The following RPAP3 variants were observed in gnomAD, a reference collection of about 807,000 sequenced individuals.
RPAP3 encodes RNA polymerase II associated protein 3.
RPAP3 carries 58 observed loss-of-function variants against 88.8 expected under a neutral mutation model. The observed-to-expected ratio is 0.65, with a 90% CI of 0.53 to 0.81. The LOEUF (loss-of-function observed/expected upper bound fraction) is 0.81. RPAP3 is among the 40% of genes least tolerant of loss of function. The probability of loss-of-function intolerance (pLI) is 0.00; values close to 1 mark genes in which losing one functional copy is unlikely to be tolerated. For synonymous variants in RPAP3, 255 were observed against 259.9 expected (o/e 0.98, Z 0.18); for missense variants, 751 against 764.3 (o/e 0.98, Z 0.20).
intron 12 of RPAP3, among the ~76,000 whole-genome samples, chr12:47,673,584 G>A (rs1469707459): frequency 6.6e-6 from 1 of 150,718 alleles, no homozygotes; most frequent in African/African-American, 2.4e-5. Context: ...TTTATAAAAA[G>A]AGGATAAAAA....
intron 14 of RPAP3, among the ~76,000 whole-genome samples, chr12:47,668,391 C>T (rs1938927652): frequency 6.6e-6 from 1 of 151,988 alleles, no homozygotes; most frequent in African/African-American, 2.4e-5. Flanking sequence ...TAAAGGCTCT[C>T]AAAGAGCAAT....
chr12:47,665,236 A>G (rs2136602658), intron 16 of RPAP3, among the ~76,000 whole-genome samples: 1 of 151,718 alleles, frequency 6.6e-6, no homozygotes, highest in African/African-American at 2.4e-5. Flanking sequence ...AGCTGGGATT[A>G]CAGGTGTCTG....
At chr12:47,671,218 G>A (rs892784126) in intron 12 of RPAP3, among the ~76,000 whole-genome samples, 2 of 152,034 alleles carry the variant, frequency 1.3e-5, no homozygotes, top group African/African-American at 4.8e-5. Flanking sequence ...GAAATACACT[G>A]AGGAGCTATT....
intron 7 of RPAP3, among the ~76,000 whole-genome samples, chr12:47,688,612 A>AT (rs1461049422): frequency 6.6e-6 from 1 of 152,254 alleles, no homozygotes; most frequent in Non-Finnish European, 1.5e-5. Context: ...GTTTTCAGAC[A>AT]TAACAGTTCA....
rs771734678 is a variant in RPAP3, at chr12:47,696,365, T to A, written c.456A>T (p.Ala152=). Residue 152 remains alanine, a synonymous_variant, in exon 5 of 17, where the codon GCA becomes GCT. Transcript: ENST00000005386. ...CCATGCCTTTTGTGTAGCAGTCAAT[T>A]GCTTCATCATATTTTCCTTGTTTGA... ...KYFKQGKYDE[A]IDCYTKGMDA... 1 of 1,596,866 alleles carries A rather than the reference T, an allele frequency of 6.3e-7. No homozygotes were observed. The highest frequency in any genetic ancestry group is 1.1e-5 in the South Asian group (1 of 87,916).
chr12:47,668,996 T>C lies in RPAP3; in HGVS notation c.1633A>G (p.Ile545Val). ...TCGAGCTGGAACGAGTTTGCAGGAATTGGAGGAAGAACAGTTGTGGCAAAC... is the reference window on the plus strand; with the variant it reads ...TCGAGCTGGAACGAGTTTGCAGGAACTGGAGGAAGAACAGTTGTGGCAAAC... The part of the protein sequence containing the change: ...AQFATTVLPP[I>V]PANSFQLESD... Residue 545 changes from isoleucine to valine, a missense_variant, in exon 14 of 17, where the codon ATT (isoleucine) becomes GTT (valine). Transcript: ENST00000005386. The C allele has an allele frequency of 6.2e-7, 1 of 1,614,036 alleles. No homozygotes were observed.
chr12:47,673,648 T>C (rs1325143359), intron 12 of RPAP3, among the ~76,000 whole-genome samples: 1 of 152,054 alleles, frequency 6.6e-6, no homozygotes, highest in African/African-American at 2.4e-5. Context: ...AAAACTGTTA[T>C]GCAAAGGATC....
intron 12 of RPAP3, among the ~76,000 whole-genome samples, chr12:47,672,131 C>A (rs1304379165): frequency 1.3e-5 from 2 of 151,996 alleles, no homozygotes; most frequent in Admixed American, 1.3e-4. Context: ...TTAGCAGAGA[C>A]AAAAGGATCA....
intron 9 of RPAP3, among the ~76,000 whole-genome samples, chr12:47,683,066 C>T (rs564482061): frequency 6.6e-6 from 1 of 152,130 alleles, no homozygotes; most frequent in Non-Finnish European, 1.5e-5. Flanking sequence ...ATCAACCTGC[C>T]TACTCCCACG....
chr12:47,696,188 CTCCACACTTTAT>C, intron 5 of RPAP3, 76 bp downstream of exon 5: 1 of 1,120,644 alleles, frequency 8.9e-7, no homozygotes, highest in Non-Finnish European at 1.2e-6. Context: ...TCAATCTGTC[CTCCACACTTTAT>C]TCCACACTTT....
Position 47,667,769 on chromosome 12 carries a change from T to C in RPAP3, c.1796A>G (p.His599Arg). Residue 599 changes from histidine to arginine, a missense_variant, in exon 15 of 17, where the codon CAT (histidine) becomes CGT (arginine). Coordinates refer to ENST00000005386, the MANE Select transcript of RPAP3 (RefSeq NM_024604.3). The part of the protein sequence containing the change: ...DVFNQIVKIL[H>R]DFYIEKEKPL... ...CTTGACTTACTCAATGTAAAAGTCA[T>C]GCAGAATTTTAACGATCTGGTTGAA... 2 of 1,599,584 alleles carry C rather than the reference T, an allele frequency of 1.3e-6. No homozygotes were observed. Among genetic ancestry groups the C allele is most frequent in the East Asian group, 2.2e-5 (1 of 44,694 alleles).
intron 9 of RPAP3, among the ~76,000 whole-genome samples, chr12:47,684,338 G>A (rs1227205407): frequency 3.3e-5 from 5 of 152,122 alleles, no homozygotes; most frequent in South Asian, 2.1e-4. Context: ...CTGCTACCCC[G>A]CACACTGGTA....
chr12:47,705,286 A>C (rs1939764784), intron 1 of RPAP3, among the ~76,000 whole-genome samples: 1 of 152,336 alleles, frequency 6.6e-6, no homozygotes, highest in African/African-American at 2.4e-5. Context: ...TTGCAGATGC[A>C]GATAGGTCTT....
intron 16 of RPAP3, among the ~76,000 whole-genome samples, chr12:47,666,658 C>T (rs911590411): frequency 9.9e-5 from 15 of 152,114 alleles, no homozygotes; most frequent in Admixed American, 6.5e-5. Flanking sequence ...TGCCTGGGTT[C>T]GAATCCTAGG....
intron 2 of RPAP3, 24 bp downstream of exon 2, chr12:47,702,664 C>A: frequency 6.6e-7 from 1 of 1,510,442 alleles, no homozygotes; most frequent in Non-Finnish European, 8.9e-7. Context: ...TTTGGTGGAT[C>A]TTAATTACGA....
intron 10 of RPAP3, among the ~76,000 whole-genome samples, chr12:47,681,491 G>C (rs1245452821): frequency 6.6e-6 from 1 of 152,142 alleles, no homozygotes; most frequent in Non-Finnish European, 1.5e-5. Flanking sequence ...AACAAAATTA[G>C]CCAGAATGCT....
chr12:47,699,684 T>C (rs1592487854), intron 3 of RPAP3: 1 of 152,196 alleles, frequency 6.6e-6, no homozygotes, highest in Non-Finnish European at 1.5e-5. Flanking sequence ...TACAAGAATG[T>C]TCACAGCAGG....
chr12:47,695,978 T>C (rs935044106), intron 5 of RPAP3: 23 of 207,192 alleles, frequency 1.1e-4, no homozygotes, highest in Middle Eastern at 1.6e-3. Flanking sequence ...TATTAATTTC[T>C]AAAAATATCC....
intron 12 of RPAP3, 73 bp from the exon 13 acceptor site, chr12:47,670,418 G>A: frequency 1.2e-6 from 1 of 827,150 alleles, no homozygotes; most frequent in Non-Finnish European, 1.9e-6. Context: ...AAGTTAAAAG[G>A]CTGCAATGAT....
Sources: gnomAD v4.1 joint callset for allele counts (sites outside exome capture counted in the v4.1 genomes callset) on GRCh38, gnomAD v4.1.1 for gene constraint, MANE v1.5 for transcripts, NCBI Gene and HGNC (gene_info 2026-07-23, HGNC 2026-07-21) for gene names.